CFAP20DC: variants seen among roughly 807,000 people sequenced by gnomAD.
CFAP20DC encodes CFAP20 domain containing, also known as protein CFAP20DC.
CFAP20DC carries 84 observed loss-of-function variants against 101.7 expected under a neutral mutation model. The ratio of observed to expected loss-of-function variants is 0.83; its 90% CI spans 0.69 to 0.99. The LOEUF (loss-of-function observed/expected upper bound fraction) is 0.99, where lower values mean the gene tolerates loss of function less well. CFAP20DC is among the 50% of genes least tolerant of loss of function. CFAP20DC has a pLI of 0.00. For synonymous variants in CFAP20DC, 359 were observed against 351.2 expected, an observed-to-expected ratio of 1.02 and a Z score of -0.25; for missense variants, 1,007 against 970.3, an observed-to-expected ratio of 1.04 and a Z score of -0.50.
intron 5 of CFAP20DC, among the ~76,000 whole-genome samples, chr3:58,929,356 A>G (rs1258588499): frequency 6.6e-6 from 1 of 152,198 alleles, no homozygotes; most frequent in Non-Finnish European, 1.5e-5. Flanking sequence ...GGTAGTGACA[A>G]ATTTGATTTA....
At chr3:58,975,530 T>G (rs564120292) in intron 4 of CFAP20DC, among the ~76,000 whole-genome samples, 1 of 152,306 alleles carries the variant, frequency 6.6e-6, no homozygotes, top group East Asian at 1.9e-4. Context: ...TACTCTTTAT[T>G]TTTCTATACA....
chr3:58,747,549 C>A (rs1302835987), intron 16 of CFAP20DC, among the ~76,000 whole-genome samples: 1 of 152,140 alleles, frequency 6.6e-6, no homozygotes, highest in Non-Finnish European at 1.5e-5. Flanking sequence ...GATTTTCTGA[C>A]ACTGCCGTCT....
At chr3:58,773,397 AAAAAAG>A (rs1200043663) in intron 15 of CFAP20DC, among the ~76,000 whole-genome samples, 2 of 149,862 alleles carry the variant, frequency 1.3e-5, no homozygotes, top group African/African-American at 4.9e-5. Context: ...GCAAAAAAAA[AAAAAAG>A]AAAAAGAAAA....
chr3:58,989,615 TA>T (rs1444962904), intron 4 of CFAP20DC, among the ~76,000 whole-genome samples: 1 of 152,092 alleles, frequency 6.6e-6, no homozygotes, highest in African/African-American at 2.4e-5. Context: ...AACTTATGAA[TA>T]AAAAAGTAAA....
intron 14 of CFAP20DC, among the ~76,000 whole-genome samples, chr3:58,816,641 G>T (rs1346129354): frequency 6.6e-6 from 1 of 152,140 alleles, no homozygotes; most frequent in African/African-American, 2.4e-5. Context: ...AGGGTCCTAC[G>T]CCCACGGAAT....
intron 15 of CFAP20DC, among the ~76,000 whole-genome samples, chr3:58,782,644 A>C (rs1367394636): frequency 6.6e-6 from 1 of 152,034 alleles, no homozygotes; most frequent in African/African-American, 2.4e-5. Flanking sequence ...GAACTAGCTA[A>C]GAAATAAGAA....
intron 4 of CFAP20DC, among the ~76,000 whole-genome samples, chr3:58,980,086 T>C (rs1376530664): frequency 6.6e-6 from 1 of 152,174 alleles, no homozygotes; most frequent in African/African-American, 2.4e-5. Flanking sequence ...GTTGAAAGCC[T>C]GATGCATTAT....
chr3:59,038,068 G>GAAACA (rs1218338042), intron 4 of CFAP20DC, among the ~76,000 whole-genome samples: 1 of 152,042 alleles, frequency 6.6e-6, no homozygotes, highest in African/African-American at 2.4e-5. Flanking sequence ...TAAGTAAGAG[G>GAAACA]TGAACAATGA....
At chr3:58,877,742 T>G (rs903914241) in intron 7 of CFAP20DC, among the ~76,000 whole-genome samples, 6 of 152,346 alleles carry the variant, frequency 3.9e-5, no homozygotes, top group Middle Eastern at 3.4e-3. Flanking sequence ...CTATGCAATT[T>G]TGTAAAGCTA....
At chr3:59,017,795 T>C (rs2093721191) in intron 4 of CFAP20DC, 2 of 152,030 alleles carry the variant, frequency 1.3e-5, no homozygotes, top group African/African-American at 2.4e-5. Context: ...ACCACAGAGG[T>C]AGGGCAGGCT....
intron 14 of CFAP20DC, among the ~76,000 whole-genome samples, chr3:58,813,263 T>C (rs1018868377): frequency 4.6e-5 from 7 of 151,982 alleles, no homozygotes; most frequent in Admixed American, 1.3e-4. Context: ...ATATCTCATG[T>C]AGCCCTAAAC....
intron 13 of CFAP20DC, among the ~76,000 whole-genome samples, chr3:58,832,925 G>A (rs942384667): frequency 8.5e-5 from 13 of 152,132 alleles, no homozygotes; most frequent in African/African-American, 3.1e-4. Context: ...TAACTTAAAA[G>A]CAATTTGAAA....
intron 12 of CFAP20DC, among the ~76,000 whole-genome samples, chr3:58,856,048 A>C (rs1367964412): frequency 6.6e-6 from 1 of 151,816 alleles, no homozygotes; most frequent in Non-Finnish European, 1.5e-5. Flanking sequence ...CTTCAAAATA[A>C]AGTAGAGATT....
chr3:58,781,619 T>C (rs773874382), intron 15 of CFAP20DC, among the ~76,000 whole-genome samples: 10 of 151,744 alleles, frequency 6.6e-5, no homozygotes, highest in Non-Finnish European at 1.3e-4. Context: ...ATTGTTACCA[T>C]GGAAATACAA....
chr3:58,746,466 T>G (rs1432793716), intron 16 of CFAP20DC, among the ~76,000 whole-genome samples: 1 of 152,158 alleles, frequency 6.6e-6, no homozygotes, highest in Non-Finnish European at 1.5e-5. Flanking sequence ...AAACAAAATA[T>G]ATTTACAACC....
At chr3:58,759,538 A>C (rs1344850833) in intron 15 of CFAP20DC, among the ~76,000 whole-genome samples, 2 of 152,160 alleles carry the variant, frequency 1.3e-5, no homozygotes, top group African/African-American at 4.8e-5. Flanking sequence ...CTTCAGTTTA[A>C]TTAGATCCCA....
At chr3:58,879,856 A>T (rs956165548) in intron 7 of CFAP20DC, among the ~76,000 whole-genome samples, 2 of 151,824 alleles carry the variant, frequency 1.3e-5, no homozygotes, top group Non-Finnish European at 2.9e-5. Context: ...TAGTGTAGAT[A>T]ACCGTATATT....
At chr3:58,948,762 T>G (rs1179700991) in intron 4 of CFAP20DC, among the ~76,000 whole-genome samples, 1 of 152,228 alleles carries the variant, frequency 6.6e-6, no homozygotes, top group Non-Finnish European at 1.5e-5. Context: ...TTTTTTGTTG[T>G]GTCTCTGCCC....
chr3:58,995,975 A>AATCTATCC (rs2093110726), intron 4 of CFAP20DC, among the ~76,000 whole-genome samples: 1 of 145,160 alleles, frequency 6.9e-6, no homozygotes, highest in South Asian at 2.3e-4. Context: ...CTGTATAATA[A>AATCTATCC]ATCTATCTAT....
Sources: gnomAD v4.1 joint callset for allele counts (sites outside exome capture counted in the v4.1 genomes callset) on GRCh38, gnomAD v4.1.1 for gene constraint, MANE v1.5 for transcripts, NCBI Gene and HGNC (gene_info 2026-07-23, HGNC 2026-07-21) for gene names.